The following PABPC1 variants were observed in gnomAD, a reference collection of about 807,000 sequenced individuals.
The protein encoded by PABPC1 is polyadenylate-binding protein 1.
In PABPC1, 4 loss-of-function variants were observed where a neutral mutation model predicts 74.0. That is an observed-to-expected ratio of 0.05 (90% confidence interval 0.03 to 0.12). The LOEUF is 0.12. Among genes scored for constraint, PABPC1 ranks in the 10% least tolerant of loss-of-function variants. The probability of loss-of-function intolerance (pLI) is 1.00; values close to 1 mark genes in which losing one functional copy is unlikely to be tolerated. For synonymous variants in PABPC1, 227 were observed against 264.1 expected (o/e 0.86, Z 1.36); for missense variants, 271 against 821.1 (o/e 0.33, Z 8.19).
Position 100,721,431 on chromosome 8 carries a change from G to A in PABPC1, c.153C>T (p.Ser51=), listed in dbSNP as rs371655288. 2.5e-6 allele frequency: 4 copies of A among 1,597,374 alleles called. No homozygotes were observed. Among genetic ancestry groups the A allele is most frequent in the East Asian group, 2.3e-5 (1 of 42,922 alleles). The stretch of plus-strand genomic sequence containing the variant: ...GGAAGTTCACATACGCGTAGCCCAA[G>A]GAGCGGCGGGTGATCATGTCCCTGC... ...RVCRDMITRR[S]LGYAYVNFQQ... is the part of the protein sequence containing the mutation. The change falls in exon 1 of 15, where the codon TCC becomes TCT. Residue 51 remains serine (S), a synonymous_variant. Transcript: ENST00000318607. This position sits in a 1 kb window ranked among gnomAD's most constrained non-coding sequence, Gnocchi z 7.4.
chr8:100,711,134 G>T (rs1810517364), intron 7 of PABPC1, among the ~76,000 whole-genome samples: 1 of 152,140 alleles, frequency 6.6e-6, no homozygotes, highest in Non-Finnish European at 1.5e-5. Flanking sequence ...CCAAAAATTA[G>T]CTGGGCGTAG....
At chr8:100,705,103 T>G (rs754109760) in intron 12 of PABPC1, 47 bp from the exon 13 acceptor site, 1 of 1,549,818 alleles carries the variant, frequency 6.5e-7, no homozygotes, top group Non-Finnish European at 8.8e-7. Context: ...AAAAAAGTTT[T>G]TAACTGCATT....
chr8:100,721,448 T>A lies in PABPC1; in HGVS notation c.136A>T (p.Met46Leu). 6.2e-7 allele frequency: 1 copy of A among 1,608,276 alleles called. No homozygotes were observed. The highest frequency in any genetic ancestry group is 1.7e-4 in the Middle Eastern group (1 of 6,052). ...TAGCCCAAGGAGCGGCGGGTGATCA[T>A]GTCCCTGCAGACCCGGATGGAGAGG... is the stretch of plus-strand genomic sequence containing the variant. ...PILSIRVCRDMITRRSLGYAY... is the reference protein window; with the variant it reads ...PILSIRVCRDLITRRSLGYAY... The change falls in exon 1 of 15, where the codon ATG (methionine) becomes TTG (leucine). Residue 46 changes from methionine (M) to leucine (L), a missense_variant. Physicochemically the swap from Met to Leu is conservative, Grantham distance 15. Transcript: ENST00000318607. This position sits in a 1 kb window ranked among gnomAD's most constrained non-coding sequence, Gnocchi z 7.4.
At chr8:100,705,514 G>T in intron 12 of PABPC1, 75 bp downstream of exon 12, 1 of 870,188 alleles carries the variant, frequency 1.1e-6, no homozygotes, top group Non-Finnish European at 1.9e-6. Context: ...GCTGTCAATT[G>T]ATTGACCTAG....
intron 14 of PABPC1, among the ~76,000 whole-genome samples, 158 bp from the exon 15 acceptor site, chr8:100,703,517 G>A (rs751425754): frequency 6.6e-6 from 1 of 152,082 alleles, no homozygotes; most frequent in Non-Finnish European, 1.5e-5. Flanking sequence ...TGGTTGTCTT[G>A]ACATGGTAAC....
intron 7 of PABPC1, among the ~76,000 whole-genome samples, chr8:100,711,877 CA>C (rs1172610006): frequency 1.3e-5 from 2 of 152,204 alleles, no homozygotes; most frequent in African/African-American, 2.4e-5. Context: ...GGATGCTAGA[CA>C]AAAACATCTA....
intron 1 of PABPC1, 91 bp from the exon 2 acceptor site, chr8:100,718,371 G>T (rs1439533080): frequency 1.7e-5 from 17 of 1,007,580 alleles, no homozygotes; most frequent in Non-Finnish European, 2.5e-5. Context: ...GGAGTGGGAG[G>T]ACACATGGTC....
chr8:100,709,306 A>T lies in PABPC1; in HGVS notation c.1246-83T>A. The T allele has an allele frequency of 4.1e-6, 6 of 1,471,092 alleles. No individual in the cohort carries two copies. The South Asian group carries it at 6.9e-5, about 17-fold the overall frequency. 91.1% of individuals were successfully genotyped at this position (1,471,092 alleles called of 1,614,324 possible). A position where few individuals can be genotyped will look rare whatever the true frequency, so the allele number is the denominator to read the frequency against. ...TAAATTATATGTACTTTTTCAAAAC[A>T]TTTACCAGGACTTCACACTCAAGCA... On this transcript the variant is annotated intron_variant, in intron 8 of 14. Transcript: ENST00000318607.
At position 100,717,853 on chromosome 8, in the gene PABPC1, T is replaced by A. The variant is rs746564360; in HGVS notation, c.423A>T (p.Gly141=). Residue 141 remains glycine, a synonymous_variant, in exon 3 of 15, where the codon GGA becomes GGT. Transcript: ENST00000318607. ...CTTCCTGCGTCTCAAAGTGTACAAA[T>A]CCATAGCCCTTGGAACCATTTTCAT... ...VCDENGSKGY[G]FVHFETQEAA... 2 of 1,613,984 alleles carry A rather than the reference T, an allele frequency of 1.2e-6. No homozygotes were observed. The highest frequency in any genetic ancestry group is 3.3e-5 in the Admixed American group (2 of 60,024).
Position 100,709,608 on chromosome 8 carries a change from C to T in PABPC1, c.1096G>A (p.Ala366Thr). The change falls in exon 8 of 15, where the codon GCT becomes ACT. Residue 366 changes from alanine (A) to threonine (T), a missense_variant. By Grantham distance (58) the Ala-to-Thr change is moderately conservative. This residue lies in a region of PABPC1 where 7 missense variants were observed against 71.8 expected (regional missense o/e 0.10). Transcript: ENST00000318607. Reference protein sequence around the residue: ...RIVATKPLYVALAQRKEERQA... With the variant: ...RIVATKPLYVTLAQRKEERQA... ...CGCTCTTCTTTGCGCTGAGCTAAAG[C>T]TACATACAATGGCTTTGTGGCCACA... 1.9e-6 allele frequency: 3 copies of T among 1,614,202 alleles called. No homozygotes were observed. Among genetic ancestry groups the T allele is most frequent in the Non-Finnish European group, 1.7e-6 (2 of 1,180,044 alleles).
intron 1 of PABPC1, among the ~76,000 whole-genome samples, chr8:100,719,230 T>C (rs992069303): frequency 6.6e-5 from 10 of 152,178 alleles, no homozygotes; most frequent in African/African-American, 2.2e-4. Flanking sequence ...CCTGAAACAA[T>C]TCCTACAAAT....
chr8:100,711,981 A>C (rs1165972156), intron 7 of PABPC1, among the ~76,000 whole-genome samples: 1 of 152,250 alleles, frequency 6.6e-6, no homozygotes, highest in Non-Finnish European at 1.5e-5. Context: ...AGAAAATATG[A>C]TCTCTATTCT....
At chr8:100,710,832 C>T (rs547635062) in intron 7 of PABPC1, among the ~76,000 whole-genome samples, 7 of 151,988 alleles carry the variant, frequency 4.6e-5, no homozygotes, top group African/African-American at 1.7e-4. Flanking sequence ...ACTAAAAATA[C>T]AAAAATTAGC....
chr8:100,706,105 G>A (rs1035969864), intron 11 of PABPC1, among the ~76,000 whole-genome samples: 2 of 152,022 alleles, frequency 1.3e-5, no homozygotes, highest in East Asian at 1.9e-4. Flanking sequence ...TTGGCCTCCT[G>A]AAGTGCTGGG....
chr8:100,704,532 C>T (rs889817822), intron 13 of PABPC1, 142 bp from the exon 14 acceptor site: 2 of 733,706 alleles, frequency 2.7e-6, no homozygotes, highest in East Asian at 2.6e-5. Context: ...ACAACTATAT[C>T]CATTCAATTT....
Position 100,721,658 on chromosome 8 carries a change from G to A in PABPC1, c.-75C>T. On this transcript the variant is annotated 5_prime_UTR_variant, in exon 1 of 15. Coordinates refer to ENST00000318607, the MANE Select transcript of PABPC1 (RefSeq NM_002568.4). The surrounding 1 kb of genome is among the most constrained non-coding windows in gnomAD (Gnocchi z 7.4). Reference sequence around the variant, plus strand: ...GAGGAGAGCGAGTGCCGGGGCTGGGGGCCGGAGCCGGGGGGAGGGGAGCGG... The same window carrying A: ...GAGGAGAGCGAGTGCCGGGGCTGGGAGCCGGAGCCGGGGGGAGGGGAGCGG... 7.8e-7 allele frequency: 1 copy of A among 1,278,084 alleles called. No individual in the cohort carries two copies. Among genetic ancestry groups the A allele is most frequent in the Non-Finnish European group, 1.0e-6 (1 of 969,276 alleles). 79.2% of individuals were successfully genotyped at this position (1,278,084 alleles called of 1,614,324 possible).
intron 9 of PABPC1, chr8:100,707,291 T>C: frequency 3.8e-6 from 1 of 266,598 alleles, no homozygotes; most frequent in Non-Finnish European, 7.3e-6. Context: ...ACACAGAGAT[T>C]TAAAAAAAAA....
intron 1 of PABPC1, among the ~76,000 whole-genome samples, chr8:100,718,523 T>C (rs1180392779): frequency 6.6e-6 from 1 of 152,168 alleles, no homozygotes; most frequent in Non-Finnish European, 1.5e-5. Context: ...GAATTCCATA[T>C]TGCTAATAAT....
chr8:100,705,245 A>G (rs1354945870), intron 12 of PABPC1, among the ~76,000 whole-genome samples, 189 bp from the exon 13 acceptor site: 1 of 152,230 alleles, frequency 6.6e-6, no homozygotes, highest in Non-Finnish European at 1.5e-5. Context: ...TTAACTCTTG[A>G]TATTATCAGC....
Sources: allele counts gnomAD v4.1 joint callset (sites outside exome capture counted in the v4.1 genomes callset), GRCh38; gene constraint gnomAD v4.1.1; regional missense constraint gnomAD v4.1.1; non-coding constraint Gnocchi (gnomAD v3.1); transcripts MANE v1.5; gene names NCBI Gene and HGNC (gene_info 2026-07-23, HGNC 2026-07-21).